The following ZNF423 variants were observed in gnomAD, a reference collection of about 807,000 sequenced individuals.
ZNF423 encodes the protein Ebf-associated zinc finger protein.
ZNF423 carries 12 observed loss-of-function variants against 95.8 expected under a neutral mutation model. The ratio of observed to expected loss-of-function variants is 0.13; its 90% CI spans 0.08 to 0.20. The LOEUF (loss-of-function observed/expected upper bound fraction) is 0.20, where lower values mean the gene tolerates loss of function less well. Ranked by LOEUF, ZNF423 falls within the 10% of genes least tolerant of loss-of-function variation. The pLI is 1.00. For synonymous variants in ZNF423, 749 were observed against 711.9 expected (o/e 1.05, Z -0.83); for missense variants, 1,316 against 1,737.1 (o/e 0.76, Z 4.31).
intron 3 of ZNF423, among the ~76,000 whole-genome samples, chr16:49,715,227 T>C (rs1016691796): frequency 5.9e-5 from 9 of 152,026 alleles, no homozygotes; most frequent in Admixed American, 5.2e-4. Flanking sequence ...ATCACTGCCA[T>C]AAAGGAAATA....
chr16:49,772,627 A>C (rs1294647386), intron 2 of ZNF423, among the ~76,000 whole-genome samples: 1 of 151,652 alleles, frequency 6.6e-6, no homozygotes, highest in African/African-American at 2.4e-5. Flanking sequence ...ATTCCCCAAA[A>C]CTCTTTCCTC....
intron 3 of ZNF423, among the ~76,000 whole-genome samples, chr16:49,707,716 G>C (rs889889020): frequency 4.6e-5 from 7 of 151,012 alleles, no homozygotes; most frequent in Non-Finnish European, 1.0e-4. Flanking sequence ...TAAAATTTAC[G>C]TATTATTTAC....
intron 7 of ZNF423, among the ~76,000 whole-genome samples, chr16:49,501,292 C>G (rs1967389346): frequency 1.3e-5 from 2 of 152,208 alleles, no homozygotes; most frequent in Admixed American, 1.3e-4. Context: ...GAAGAGGCAG[C>G]ACTTGTCAGC....
At position 49,570,683 on chromosome 16, in the gene ZNF423, C is replaced by G. The variant is rs576112561; in HGVS notation, c.3602-45189G>C. 2.0e-5 allele frequency among the ~76,000 whole-genome samples: 3 copies of G among 152,330 alleles called. No homozygotes were observed. In the East Asian group the frequency reaches 5.8e-4, roughly 29 times the overall value. On this transcript the variant is annotated intron_variant, in intron 5 of 7. Coordinates refer to ENST00000563137, the MANE Select transcript of ZNF423 (RefSeq NM_001379286.1). ...ATATAATATTTGGCAACTTGGCCCTCTTTGGGGAGTGTATTGATTGAGGAG... is the reference window on the plus strand; with the variant it reads ...ATATAATATTTGGCAACTTGGCCCTGTTTGGGGAGTGTATTGATTGAGGAG...
rs557620243 is a variant in ZNF423, at chr16:49,502,769, T to C, written c.3850-11465A>G. Among the ~76,000 whole-genome samples the C allele has an allele frequency of 5.3e-5, 8 of 150,636 alleles. No individual in the cohort carries two copies. In the East Asian group the frequency reaches 1.4e-3, roughly 26 times the overall value. Reference sequence around the variant, plus strand: ...CTGTGCACACACCACTCTATATGCATGCACACACACAAATACTCTAGACAC... The same window carrying C: ...CTGTGCACACACCACTCTATATGCACGCACACACACAAATACTCTAGACAC... On this transcript the variant is annotated intron_variant, in intron 7 of 7. Transcript: ENST00000563137.
intron 7 of ZNF423, among the ~76,000 whole-genome samples, chr16:49,500,224 G>A (rs1967339847): frequency 6.6e-6 from 1 of 152,136 alleles, no homozygotes; most frequent in Non-Finnish European, 1.5e-5. Context: ...CTCCAAAGAA[G>A]GTGGGGGTAC....
intron 1 of ZNF423, among the ~76,000 whole-genome samples, chr16:49,798,096 G>A (rs1042598432): frequency 1.3e-5 from 2 of 152,212 alleles, no homozygotes; most frequent in African/African-American, 4.8e-5. Context: ...TGTCATCCCA[G>A]CAACTCGGGA....
chr16:49,491,994 G>T (rs1966992502), intron 7 of ZNF423, among the ~76,000 whole-genome samples: 1 of 152,158 alleles, frequency 6.6e-6, no homozygotes, highest in Admixed American at 6.5e-5. Context: ...TTGGCCGAAT[G>T]CACCTAGGAA....
intron 3 of ZNF423, among the ~76,000 whole-genome samples, chr16:49,709,671 G>A (rs909735690): frequency 2.0e-5 from 3 of 152,164 alleles, no homozygotes; most frequent in South Asian, 2.1e-4. Context: ...GGCTTTTGGC[G>A]GGTGATTAGG....
intron 2 of ZNF423, among the ~76,000 whole-genome samples, chr16:49,747,136 G>A (rs936632701): frequency 6.6e-5 from 10 of 152,162 alleles, no homozygotes; most frequent in African/African-American, 2.2e-4. Flanking sequence ...AAAGTCCGCC[G>A]TGAGAGTATC....
chr16:49,557,516 AG>A (rs1305491825), intron 5 of ZNF423, among the ~76,000 whole-genome samples: 15 of 152,278 alleles, frequency 9.9e-5, no homozygotes, highest in Admixed American at 6.5e-5. Context: ...CTCTGACCCC[AG>A]GGGGTGGTGG....
chr16:49,535,358 C>T (rs888594771), intron 5 of ZNF423, among the ~76,000 whole-genome samples: 5 of 152,222 alleles, frequency 3.3e-5, no homozygotes, highest in Non-Finnish European at 5.9e-5. Flanking sequence ...CATCCACCTC[C>T]CGCCTCTCTG....
At chr16:49,813,771 C>T (rs2034792754) in intron 1 of ZNF423, among the ~76,000 whole-genome samples, 1 of 152,224 alleles carries the variant, frequency 6.6e-6, no homozygotes, top group African/African-American at 2.4e-5. Flanking sequence ...CCCTGCTGGA[C>T]AGGAAACCAG....
chr16:49,788,956 T>C (rs1260389865), intron 2 of ZNF423, among the ~76,000 whole-genome samples: 8 of 152,116 alleles, frequency 5.3e-5, no homozygotes, highest in Admixed American at 5.2e-4. Flanking sequence ...GAAACAGAGG[T>C]ACAGGAAAGA....
chr16:49,528,589 G>T (rs1968710603), intron 5 of ZNF423, among the ~76,000 whole-genome samples: 1 of 152,162 alleles, frequency 6.6e-6, no homozygotes, highest in Non-Finnish European at 1.5e-5. Flanking sequence ...GGGAGGGGAT[G>T]GAATAAAGCC....
chr16:49,507,224 G>C lies in ZNF423; in HGVS notation c.3850-15920C>G, dbSNP rs542716333. ...TTTATAACATGTAAAATGCTGTATGGACACTTAATAGGGTCATAACTAATA... is the reference window on the plus strand; with the variant it reads ...TTTATAACATGTAAAATGCTGTATGCACACTTAATAGGGTCATAACTAATA... On this transcript the variant is annotated intron_variant, in intron 7 of 7. Coordinates refer to ENST00000563137, the MANE Select transcript of ZNF423 (RefSeq NM_001379286.1). Among the ~76,000 whole-genome samples, 10 of 152,282 alleles carry C rather than the reference G, an allele frequency of 6.6e-5. No individual in the cohort carries two copies. In the South Asian group the frequency reaches 2.1e-3, roughly 32 times the overall value.
At chr16:49,793,342 A>C (rs2034446539) in intron 1 of ZNF423, among the ~76,000 whole-genome samples, 1 of 152,184 alleles carries the variant, frequency 6.6e-6, no homozygotes, top group African/African-American at 2.4e-5. Context: ...AACATCCCTA[A>C]GAGGGAGTTC....
At chr16:49,654,198 G>A (rs924834241) in intron 3 of ZNF423, among the ~76,000 whole-genome samples, 2 of 152,210 alleles carry the variant, frequency 1.3e-5, no homozygotes, top group Non-Finnish European at 2.9e-5. Context: ...TACCGAGCAT[G>A]CCTCACCTGC....
intron 5 of ZNF423, among the ~76,000 whole-genome samples, chr16:49,561,665 C>T (rs889951778): frequency 6.6e-6 from 1 of 152,130 alleles, no homozygotes; most frequent in African/African-American, 2.4e-5. Flanking sequence ...ATTTGCTGCA[C>T]TTGTATTTTC....
Sources: gnomAD v4.1 joint callset for allele counts (sites outside exome capture counted in the v4.1 genomes callset) on GRCh38, gnomAD v4.1.1 for gene constraint, MANE v1.5 for transcripts, NCBI Gene and HGNC (gene_info 2026-07-23, HGNC 2026-07-21) for gene names.